The following NKAIN3 variants were observed in gnomAD, a reference collection of about 807,000 sequenced individuals.
NKAIN3 encodes sodium/potassium transporting ATPase interacting 3, also known as sodium/potassium-transporting ATPase subunit beta-1-interacting protein 3.
In NKAIN3, 25 loss-of-function variants were observed where a neutral mutation model predicts 30.2. The ratio of observed to expected loss-of-function variants is 0.83; its 90% CI spans 0.60 to 1.16. NKAIN3 has a LOEUF of 1.16. Among genes scored for constraint, NKAIN3 ranks in the 50% most tolerant of loss-of-function variants. The pLI is 0.00. For missense variants in NKAIN3, 225 were observed against 254.1 expected, an observed-to-expected ratio of 0.89 and a Z score of 0.78; for synonymous variants, 91 against 89.6, an observed-to-expected ratio of 1.02 and a Z score of -0.09.
At chr8:62,597,417 T>A (rs1314759511) in intron 3 of NKAIN3, among the ~76,000 whole-genome samples, 1 of 152,056 alleles carries the variant, frequency 6.6e-6, no homozygotes, top group African/African-American at 2.4e-5. Flanking sequence ...TAAAGAATAA[T>A]TTTTTTATTT....
intron 1 of NKAIN3, among the ~76,000 whole-genome samples, chr8:62,264,243 C>A (rs1366768429): frequency 3.9e-5 from 6 of 152,180 alleles, no homozygotes; most frequent in East Asian, 1.9e-4. Context: ...ATATATTCCC[C>A]GCTGGCCACC....
At chr8:62,567,404 T>C (rs1283771480) in intron 1 of NKAIN3, among the ~76,000 whole-genome samples, 1 of 152,118 alleles carries the variant, frequency 6.6e-6, no homozygotes, top group Admixed American at 6.6e-5. Context: ...AGGCAGAATA[T>C]TGGTCCCAAA....
chr8:62,379,119 G>A (rs917096565), intron 1 of NKAIN3, among the ~76,000 whole-genome samples: 2 of 152,200 alleles, frequency 1.3e-5, no homozygotes, highest in Non-Finnish European at 2.9e-5. Context: ...GAAATTTAAG[G>A]TTTAATGACA....
chr8:62,951,857 G>C (rs1823292675), intron 5 of NKAIN3, among the ~76,000 whole-genome samples: 1 of 152,020 alleles, frequency 6.6e-6, no homozygotes. Context: ...CTGGAGTGCA[G>C]TGGCATGATC....
intron 1 of NKAIN3, among the ~76,000 whole-genome samples, chr8:62,272,895 T>A (rs779523197): frequency 3.9e-5 from 6 of 152,210 alleles, no homozygotes; most frequent in Non-Finnish European, 7.3e-5. Context: ...GATCTTCACA[T>A]AAACTGTTGT....
At chr8:62,630,143 T>C (rs1811909710) in intron 3 of NKAIN3, among the ~76,000 whole-genome samples, 1 of 152,130 alleles carries the variant, frequency 6.6e-6, no homozygotes, top group Non-Finnish European at 1.5e-5. Flanking sequence ...AAATTTATCA[T>C]AGGTATGTGT....
intron 4 of NKAIN3, among the ~76,000 whole-genome samples, chr8:62,801,815 T>C (rs1324639758): frequency 6.6e-6 from 1 of 152,122 alleles, no homozygotes; most frequent in African/African-American, 2.4e-5. Context: ...ACAATCAAAC[T>C]ACTCCGAGTT....
intron 3 of NKAIN3, among the ~76,000 whole-genome samples, chr8:62,702,581 T>C (rs966233335): frequency 6.6e-6 from 1 of 152,214 alleles, no homozygotes; most frequent in African/African-American, 2.4e-5. Context: ...ATGACTAAAG[T>C]AAACATCGTT....
chr8:62,636,855 T>C lies in NKAIN3; in HGVS notation c.273+47061T>C, dbSNP rs573319513. On this transcript the variant is annotated intron_variant, in intron 3 of 6. Coordinates refer to ENST00000623646, the MANE Select transcript of NKAIN3 (RefSeq NM_001304533.3). Reference sequence around the variant, plus strand: ...ATAGTAATTAGTGATGTTAAATTGATATTTGAAAATGCCTAATAGTTACCT... The same window carrying C: ...ATAGTAATTAGTGATGTTAAATTGACATTTGAAAATGCCTAATAGTTACCT... Among the ~76,000 whole-genome samples the C allele has an allele frequency of 2.0e-3, 312 of 152,326 alleles. 3 individuals are homozygous for C. The highest frequency in any genetic ancestry group is 7.1e-3 in the African/African-American group (296 of 41,582).
At chr8:62,520,152 A>T (rs1262292957) in intron 1 of NKAIN3, among the ~76,000 whole-genome samples, 1 of 152,140 alleles carries the variant, frequency 6.6e-6, no homozygotes, top group African/African-American at 2.4e-5. Flanking sequence ...GACTATGTAG[A>T]TATCCTTAAA....
At chr8:62,667,324 T>C (rs1401928282) in intron 3 of NKAIN3, among the ~76,000 whole-genome samples, 2 of 127,846 alleles carry the variant, frequency 1.6e-5, no homozygotes, top group Non-Finnish European at 3.2e-5. Flanking sequence ...TTTATATATA[T>C]ATATTCTTTA....
At chr8:62,281,319 A>G (rs1172556288) in intron 1 of NKAIN3, among the ~76,000 whole-genome samples, 1 of 152,048 alleles carries the variant, frequency 6.6e-6, no homozygotes, top group Admixed American at 6.6e-5. Context: ...TCTTTTCAAA[A>G]AACCAGCTCC....
At chr8:62,774,611 A>G (rs1343910689) in intron 4 of NKAIN3, among the ~76,000 whole-genome samples, 1 of 152,028 alleles carries the variant, frequency 6.6e-6, no homozygotes, top group Non-Finnish European at 1.5e-5. Flanking sequence ...GGTTTGTATC[A>G]CAAAGGATGT....
At chr8:62,874,885 C>A (rs1460548253) in intron 4 of NKAIN3, among the ~76,000 whole-genome samples, 1 of 152,148 alleles carries the variant, frequency 6.6e-6, no homozygotes, top group African/African-American at 2.4e-5. Context: ...AAGCTGGAAG[C>A]ATTCCCTTTG....
chr8:62,427,025 C>G (rs1266633207), intron 1 of NKAIN3, among the ~76,000 whole-genome samples: 1 of 151,956 alleles, frequency 6.6e-6, no homozygotes, highest in Non-Finnish European at 1.5e-5. Context: ...AGAGCAGCAC[C>G]TTCATGTTTG....
At chr8:62,344,811 A>AT (rs1243593521) in intron 1 of NKAIN3, 2 of 427,740 alleles carry the variant, frequency 4.7e-6, no homozygotes, top group Non-Finnish European at 9.3e-6. Context: ...TTCCATATGA[A>AT]TTTTAAATTT....
At chr8:62,603,522 A>G (rs949947104) in intron 3 of NKAIN3, among the ~76,000 whole-genome samples, 2 of 152,156 alleles carry the variant, frequency 1.3e-5, no homozygotes, top group Non-Finnish European at 2.9e-5. Context: ...AAATTTTTCC[A>G]TGTAGACAGT....
At chr8:62,444,317 T>A (rs1585814794) in intron 1 of NKAIN3, among the ~76,000 whole-genome samples, 1 of 152,318 alleles carries the variant, frequency 6.6e-6, no homozygotes, top group Non-Finnish European at 1.5e-5. Context: ...GTCACCATAC[T>A]GATCTATTGA....
chr8:62,641,347 C>T (rs1198798666), intron 3 of NKAIN3, among the ~76,000 whole-genome samples: 2 of 152,072 alleles, frequency 1.3e-5, no homozygotes, highest in East Asian at 3.9e-4. Context: ...CTTGCTGGAC[C>T]TAAGGAACAG....
Sources: allele counts gnomAD v4.1 joint callset (sites outside exome capture counted in the v4.1 genomes callset), GRCh38; gene constraint gnomAD v4.1.1; transcripts MANE v1.5; gene names NCBI Gene and HGNC (gene_info 2026-07-23, HGNC 2026-07-21).